VPS13B: variants seen among roughly 807,000 people sequenced by gnomAD.
The protein encoded by VPS13B is intermembrane lipid transfer protein VPS13B.
In VPS13B, 285 loss-of-function variants were observed where a neutral mutation model predicts 426.4. That is an observed-to-expected ratio of 0.67 (90% confidence interval 0.61 to 0.74). The LOEUF (loss-of-function observed/expected upper bound fraction) is 0.74, where lower values mean the gene tolerates loss of function less well. VPS13B is among the 30% of genes least tolerant of loss of function. The pLI is 0.00. For missense variants in VPS13B, 4,537 were observed against 4,782.6 expected (o/e 0.95, Z 1.51); for synonymous variants, 1,676 against 1,676.4 (o/e 1.00, Z 0.01).
intron 15 of VPS13B, among the ~76,000 whole-genome samples, chr8:99,159,113 G>A (rs1400724671): frequency 6.6e-5 from 10 of 152,154 alleles, no homozygotes; most frequent in African/African-American, 2.2e-4. Flanking sequence ...TTACTTTGAG[G>A]GGTTCAAGGC....
chr8:99,337,687 A>G (rs565128977), intron 19 of VPS13B, among the ~76,000 whole-genome samples: 19 of 152,246 alleles, frequency 1.2e-4, no homozygotes, highest in Non-Finnish European at 2.4e-4. Flanking sequence ...TCTTTTTCAT[A>G]ACAATGTTTT....
intron 21 of VPS13B, among the ~76,000 whole-genome samples, chr8:99,401,909 G>A (rs188040467): frequency 6.6e-6 from 1 of 152,130 alleles, no homozygotes; most frequent in Non-Finnish European, 1.5e-5. Context: ...ATTTTTAGAT[G>A]AAAGTTAGTA....
At chr8:99,625,868 A>T (rs1828591017) in intron 33 of VPS13B, among the ~76,000 whole-genome samples, 1 of 151,800 alleles carries the variant, frequency 6.6e-6, no homozygotes, top group Non-Finnish European at 1.5e-5. Context: ...CAACAACAAC[A>T]AAAAAAACCC....
intron 35 of VPS13B, among the ~76,000 whole-genome samples, chr8:99,679,866 T>C (rs1831087388): frequency 1.3e-5 from 2 of 152,188 alleles, no homozygotes; most frequent in Non-Finnish European, 2.9e-5. Flanking sequence ...TTTCAATTGC[T>C]GAATAAGAGA....
chr8:99,134,850 A>G, intron 9 of VPS13B, 123 bp downstream of exon 9: 2 of 1,180,136 alleles, frequency 1.7e-6, no homozygotes, highest in Non-Finnish European at 2.4e-6. Flanking sequence ...TCTTATTTTA[A>G]TAGAGTTTAC....
intron 21 of VPS13B, among the ~76,000 whole-genome samples, chr8:99,428,814 T>C (rs1353596873): frequency 6.6e-6 from 1 of 152,146 alleles, no homozygotes; most frequent in Admixed American, 6.5e-5. Flanking sequence ...CATGCTGCTA[T>C]AAAGACACAT....
chr8:99,647,621 A>G (rs533656343), intron 34 of VPS13B, among the ~76,000 whole-genome samples: 41 of 152,222 alleles, frequency 2.7e-4, no homozygotes, highest in African/African-American at 7.7e-4. Flanking sequence ...AGGTAAAATC[A>G]TAGTTCTTAT....
Position 99,481,724 on chromosome 8 carries a change from A to G in VPS13B, c.3792A>G (p.Pro1264=), listed in dbSNP as rs778016570. The change falls in exon 25 of 62, where the codon CCA becomes CCG. Residue 1264 remains proline (P), a synonymous_variant. Transcript: ENST00000357162. ...TGGCAGGGCCTGTTCCTACTTCTCC[A>G]GTTAGAAGCAGTATAGGCACAGCTC... ...ETMAGPVPTS[P]VRSSIGTAPP... 4 of 1,614,004 alleles carry G rather than the reference A, an allele frequency of 2.5e-6. No homozygotes were observed. The highest frequency in any genetic ancestry group is 3.3e-5 in the Admixed American group (2 of 60,012).
intron 19 of VPS13B, among the ~76,000 whole-genome samples, chr8:99,308,631 A>T: frequency 6.6e-6 from 1 of 152,126 alleles, no homozygotes; most frequent in East Asian, 1.9e-4. Flanking sequence ...ATAGTGCCGC[A>T]ATAAACATAC....
chr8:99,344,550 G>T (rs1212807773), intron 19 of VPS13B, among the ~76,000 whole-genome samples: 2 of 152,160 alleles, frequency 1.3e-5, no homozygotes, highest in Non-Finnish European at 2.9e-5. Flanking sequence ...CTTTAGAAGA[G>T]CAAGAGACTT....
At chr8:99,252,933 G>A (rs1817573537) in intron 17 of VPS13B, among the ~76,000 whole-genome samples, 2 of 152,012 alleles carry the variant, frequency 1.3e-5, no homozygotes, top group African/African-American at 4.8e-5. Context: ...CACTGTCTAA[G>A]TTTAGAACAT....
chr8:99,534,031 A>G (rs1012398137), intron 30 of VPS13B, among the ~76,000 whole-genome samples: 1 of 152,160 alleles, frequency 6.6e-6, no homozygotes, highest in Non-Finnish European at 1.5e-5. Context: ...TAATCCTATA[A>G]TGGTTAGTGT....
At chr8:99,681,415 G>C (rs1436992284) in intron 35 of VPS13B, among the ~76,000 whole-genome samples, 1 of 152,162 alleles carries the variant, frequency 6.6e-6, no homozygotes, top group Non-Finnish European at 1.5e-5. Context: ...GTCTCTATGT[G>C]GTCCAGTCCC....
At chr8:99,341,049 A>G in intron 19 of VPS13B, 1 of 272,382 alleles carries the variant, frequency 3.7e-6, no homozygotes. Context: ...TGGATAGATT[A>G]TAACTGATGC....
chr8:99,433,259 G>T (rs929134049), intron 22 of VPS13B, among the ~76,000 whole-genome samples: 1 of 152,182 alleles, frequency 6.6e-6, no homozygotes, highest in African/African-American at 2.4e-5. Flanking sequence ...TGATTCTGTG[G>T]CATTCCTTGT....
chr8:99,591,695 C>T (rs1237865551), intron 33 of VPS13B, among the ~76,000 whole-genome samples: 1 of 152,170 alleles, frequency 6.6e-6, no homozygotes. Flanking sequence ...TCTCTTCTGA[C>T]TTGCAGGGTT....
intron 31 of VPS13B, among the ~76,000 whole-genome samples, chr8:99,559,438 T>C (rs1824772876): frequency 6.6e-6 from 1 of 152,226 alleles, no homozygotes; most frequent in Admixed American, 6.5e-5. Flanking sequence ...ATTTTCGCTT[T>C]TGTTGCCATT....
intron 21 of VPS13B, among the ~76,000 whole-genome samples, chr8:99,421,279 A>G (rs1816355891): frequency 6.6e-6 from 1 of 152,206 alleles, no homozygotes; most frequent in South Asian, 2.1e-4. Flanking sequence ...TTATTTATTT[A>G]TTGTAGAAAA....
chr8:99,194,620 T>C (rs915012874), intron 17 of VPS13B, among the ~76,000 whole-genome samples: 3 of 152,216 alleles, frequency 2.0e-5, no homozygotes, highest in African/African-American at 2.4e-5. Flanking sequence ...TAAGGCAGAA[T>C]AGTAATCTAT....
Sources: allele counts gnomAD v4.1 joint callset (sites outside exome capture counted in the v4.1 genomes callset), GRCh38; gene constraint gnomAD v4.1.1; transcripts MANE v1.5; gene names NCBI Gene and HGNC (gene_info 2026-07-23, HGNC 2026-07-21).